Variants in ERO1B observed in about 807,000 individuals in gnomAD.
ERO1B encodes endoplasmic reticulum oxidoreductase 1 beta, also known as ERO1-like protein beta.
A neutral mutation model predicts 75.3 loss-of-function variants in ERO1B; 49 were observed. That is an observed-to-expected ratio of 0.65 (90% CI 0.52 to 0.83). The LOEUF (loss-of-function observed/expected upper bound fraction) is 0.83. Among genes scored for constraint, ERO1B ranks in the 40% least tolerant of loss-of-function variants. The pLI is 0.00. For missense variants in ERO1B, 512 were observed against 560.1 expected (o/e 0.91, Z 0.87); for synonymous variants, 191 against 192.9 (o/e 0.99, Z 0.08).
chr1:236,247,935 G>A (rs180757308), intron 5 of ERO1B, among the ~76,000 whole-genome samples: 228 of 152,218 alleles, frequency 1.5e-3, no homozygotes, highest in African/African-American at 5.2e-3. Context: ...TATCTTCTCT[G>A]ACCACCCAAT....
In ERO1B at chr1:236,230,469, C is replaced by T. The variant is rs150222925; in HGVS notation, c.686-219G>A. On this transcript the variant is annotated intron_variant, in intron 9 of 15. Coordinates refer to ENST00000354619, the MANE Select transcript of ERO1B (RefSeq NM_019891.4). ...TCTACTAAAAATACAAAAAATTAGCCGGGTATGGAGGTGCAGGCCTGTAAT... is the reference window on the plus strand; with the variant it reads ...TCTACTAAAAATACAAAAAATTAGCTGGGTATGGAGGTGCAGGCCTGTAAT... 4.4e-3 allele frequency among the ~76,000 whole-genome samples: 673 copies of T among 151,470 alleles called. 6 individuals carry two copies. Among genetic ancestry groups the T allele is most frequent in the African/African-American group, 0.016 (646 of 41,258 alleles).
At position 236,236,170 on chromosome 1, in the gene ERO1B, ACC is replaced by A. The variant is rs531369641; in HGVS notation, c.626+106_626+107del. On this transcript the variant is annotated intron_variant, in intron 7 of 15. Coordinates refer to ENST00000354619, the MANE Select transcript of ERO1B (RefSeq NM_019891.4). ...TTGAACTCCTGACCTCAGATGATCCACCCACCTTGGCCTCCCAAAGTGCTGGG... is the reference window on the plus strand; with the variant it reads ...TTGAACTCCTGACCTCAGATGATCCACACCTTGGCCTCCCAAAGTGCTGGG... 5.3e-4 allele frequency: 724 copies of A among 1,371,548 alleles called. 1 individual carries two copies. The highest frequency in any genetic ancestry group is 7.1e-4 in the Non-Finnish European group (706 of 992,098). The allele number at this position is 1,371,548 out of a possible 1,614,324, so 85.0% of individuals were successfully genotyped here.
At chr1:236,256,118 C>T (rs946825051) in intron 2 of ERO1B, among the ~76,000 whole-genome samples, 3 of 152,134 alleles carry the variant, frequency 2.0e-5, no homozygotes, top group Non-Finnish European at 4.4e-5. Context: ...TCCCAGCCAT[C>T]CACTCTCTCC....
chr1:236,235,672 G>A lies in ERO1B; in HGVS notation c.673+117C>T, dbSNP rs1247935194. ...ACTATGAACTAATCTTACACTTTTT[G>A]TTCATCATTCAAATTAAACAAAATA... On this transcript the variant is annotated intron_variant, in intron 8 of 15. Coordinates refer to ENST00000354619, the MANE Select transcript of ERO1B (RefSeq NM_019891.4). 5.7e-6 allele frequency: 5 copies of A among 871,710 alleles called. No individual in the cohort carries two copies. In the African/African-American group the frequency reaches 8.6e-5, roughly 15 times the overall value. 54.0% of individuals were successfully genotyped at this position (871,710 alleles called of 1,614,324 possible).
chr1:236,217,643 CAAG>C lies in ERO1B; in HGVS notation c.*870_*872del. ...TCATATAATCCCATTTAAATTTTAT[CAAG>C]AAGTAATCTGTTAAATATTTCTGCA... is the stretch of plus-strand genomic sequence containing the variant. On this transcript the variant is annotated 3_prime_UTR_variant, in exon 16 of 16. Coordinates refer to ENST00000354619, the MANE Select transcript of ERO1B (RefSeq NM_019891.4). The C allele has an allele frequency of 6.6e-6, 1 of 152,670 alleles. No individual in the cohort carries two copies. The highest frequency in any genetic ancestry group is 1.9e-4 in the East Asian group (1 of 5,186). 9.5% of individuals were successfully genotyped at this position (152,670 alleles called of 1,614,324 possible).
intron 6 of ERO1B, among the ~76,000 whole-genome samples, chr1:236,238,794 G>A (rs560192537): frequency 1.2e-4 from 18 of 151,896 alleles, no homozygotes; most frequent in South Asian, 2.1e-4. Context: ...CTCTACAAAC[G>A]TGCAAATTGG....
intron 6 of ERO1B, among the ~76,000 whole-genome samples, chr1:236,242,559 T>C (rs536641044): frequency 1.3e-5 from 2 of 152,230 alleles, no homozygotes; most frequent in East Asian, 3.9e-4. Context: ...TCTAACTTAC[T>C]CCACTATGGG....
At chr1:236,250,599 A>ATAT (rs1553372693) in intron 4 of ERO1B, among the ~76,000 whole-genome samples, 7 of 62,518 alleles carry the variant, frequency 1.1e-4, no homozygotes, top group African/African-American at 4.1e-4. Flanking sequence ...ATATATATAT[A>ATAT]TATATATATA....
At chr1:236,236,950 A>G (rs914859479) in intron 6 of ERO1B, among the ~76,000 whole-genome samples, 3 of 152,110 alleles carry the variant, frequency 2.0e-5, no homozygotes, top group Non-Finnish European at 1.5e-5. Context: ...TAAAAGTTAT[A>G]TATTACTATT....
intron 9 of ERO1B, among the ~76,000 whole-genome samples, chr1:236,230,611 CAAAAAAAA>C (rs397983348): frequency 1.8e-3 from 105 of 58,592 alleles, no homozygotes; most frequent in African/African-American, 6.2e-3. Context: ...GACCCTGTCT[CAAAAAAAA>C]AAAAAAAAAA....
chr1:236,239,774 T>C (rs1465974033), intron 6 of ERO1B, among the ~76,000 whole-genome samples: 1 of 148,172 alleles, frequency 6.7e-6, no homozygotes, highest in Non-Finnish European at 1.5e-5. Flanking sequence ...ACTAGTGTTA[T>C]TTCCTCCTCT....
Position 236,269,586 on chromosome 1 carries a change from T to C in ERO1B, c.222+289A>G, listed in dbSNP as rs750827203. Among the ~76,000 whole-genome samples, 7 of 152,170 alleles carry C rather than the reference T, an allele frequency of 4.6e-5. 1 individual carries two copies. Among genetic ancestry groups the C allele is most frequent in the Non-Finnish European group, 1.0e-4 (7 of 68,026 alleles). On this transcript the variant is annotated intron_variant, in intron 2 of 15. Coordinates refer to ENST00000354619, the MANE Select transcript of ERO1B (RefSeq NM_019891.4). ...GTGTGTCCAGATGGCAGAACTATGT[T>C]ATAAGAGAGGCTGACAAAGTAAGTC...
At chr1:236,246,928 A>C (rs1664899196) in intron 5 of ERO1B, among the ~76,000 whole-genome samples, 1 of 152,236 alleles carries the variant, frequency 6.6e-6, no homozygotes, top group South Asian at 2.1e-4. Flanking sequence ...ACAAAAAACT[A>C]TATGCAAAAT....
intron 10 of ERO1B, among the ~76,000 whole-genome samples, chr1:236,229,183 TG>T (rs1335548092): frequency 1.4e-4 from 21 of 152,182 alleles, no homozygotes; most frequent in Non-Finnish European, 3.1e-4. Flanking sequence ...CCCAGCACTT[TG>T]GGAGGCTGAG....
At chr1:236,263,243 T>TTTGTTG (rs34415110) in intron 2 of ERO1B, among the ~76,000 whole-genome samples, 38 of 151,242 alleles carry the variant, frequency 2.5e-4, no homozygotes, top group East Asian at 7.9e-4. Context: ...AAACTTCAGT[T>TTTGTTG]TTGTTGTTGT....
chr1:236,236,920 C>CTA (rs1254402922), intron 6 of ERO1B, among the ~76,000 whole-genome samples: 1 of 152,112 alleles, frequency 6.6e-6, no homozygotes, highest in Non-Finnish European at 1.5e-5. Context: ...ATTCATAAAG[C>CTA]TATACCATGC....
chr1:236,279,105 C>G (rs1393120105), intron 1 of ERO1B, among the ~76,000 whole-genome samples: 1 of 152,210 alleles, frequency 6.6e-6, no homozygotes, highest in African/African-American at 2.4e-5. Context: ...TGTAAAGTCA[C>G]TCATTCAATT....
At position 236,252,039 on chromosome 1, in the gene ERO1B, G is replaced by A. The variant is rs1665041509; in HGVS notation, c.348+11C>T. 1 of 1,579,254 alleles carries A rather than the reference G, an allele frequency of 6.3e-7. No homozygotes were observed. On this transcript the variant is annotated intron_variant, in intron 4 of 15. Transcript: ENST00000354619. ...TAAAGCAGAAACACTCAAGGAAGAG[G>A]AGGGACTTACCTTATTAGAATGCCC...
At chr1:236,254,775 G>T (rs1029506611) in intron 2 of ERO1B, among the ~76,000 whole-genome samples, 3 of 151,862 alleles carry the variant, frequency 2.0e-5, no homozygotes, top group Admixed American at 6.6e-5. Context: ...ACCACGCCTG[G>T]CTAATTTTTG....
Sources: allele counts gnomAD v4.1 joint callset (sites outside exome capture counted in the v4.1 genomes callset), GRCh38; gene constraint gnomAD v4.1.1; transcripts MANE v1.5; gene names NCBI Gene and HGNC (gene_info 2026-07-23, HGNC 2026-07-21).